The following PREPL variants were observed in gnomAD, a reference collection of about 807,000 sequenced individuals.
PREPL encodes the protein prolyl endopeptidase-like.
In PREPL, 77 loss-of-function variants were observed where a neutral mutation model predicts 70.6. The ratio of observed to expected loss-of-function variants is 1.09; its 90% CI spans 0.91 to 1.32. The LOEUF (loss-of-function observed/expected upper bound fraction) is 1.32, where lower values mean the gene tolerates loss of function less well. PREPL is among the 40% of genes most tolerant of loss of function. The probability of loss-of-function intolerance (pLI) is 0.00; values close to 1 mark genes in which losing one functional copy is unlikely to be tolerated. For missense variants in PREPL, 1,002 were observed against 778.2 expected (o/e 1.29, Z -3.42); for synonymous variants, 315 against 264.8 (o/e 1.19, Z -1.84).
Position 44,343,951 on chromosome 2 carries a change from G to A in PREPL, c.143C>T (p.Ala48Val). ...CCLVRSKDEE[A>V]DNDNYEVLFN... is the part of the protein sequence containing the mutation. ...TAAAACTTCATAATTATCATTGTCT[G>A]CTGTATAAAGAAAAATACGAAAGTG... The change falls in exon 4 of 14, where the codon GCA (alanine) becomes GTA (valine). Residue 48 changes from alanine (A) to valine (V), a missense_variant and splice_region_variant. Physicochemically the swap from Ala to Val is moderately conservative, Grantham distance 64. Coordinates refer to ENST00000409411, the MANE Select transcript of PREPL (RefSeq NM_001171613.2). 6.2e-7 allele frequency: 1 copy of A among 1,612,428 alleles called. No individual in the cohort carries two copies. The highest frequency in any genetic ancestry group is 8.5e-7 in the Non-Finnish European group (1 of 1,179,520).
At chr2:44,336,539 G>A (rs892089931) in intron 7 of PREPL, among the ~76,000 whole-genome samples, 2 of 152,104 alleles carry the variant, frequency 1.3e-5, no homozygotes, top group Non-Finnish European at 2.9e-5. Context: ...CTACCTGAGG[G>A]TTGAAGGAGG....
upstream of PREPL, chr2:44,361,696 C>T (rs1418575592): frequency 5.9e-6 from 2 of 341,472 alleles, no homozygotes; most frequent in Admixed American, 9.7e-5. Context: ...CTTCTGAGCT[C>T]GAGATGAAGC....
At chr2:44,333,606 C>T (rs546977407) in intron 7 of PREPL, among the ~76,000 whole-genome samples, 1 of 143,372 alleles carries the variant, frequency 7.0e-6, no homozygotes, top group African/African-American at 2.6e-5. Flanking sequence ...TTTACGTTCT[C>T]TGAGCAAATC....
intron 1 of PREPL, among the ~76,000 whole-genome samples, chr2:44,357,076 G>A (rs2104228762): frequency 6.6e-6 from 1 of 152,332 alleles, no homozygotes; most frequent in African/African-American, 2.4e-5. Flanking sequence ...AATGTTCTGG[G>A]ATTACTGGCG....
chr2:44,331,763 C>T (rs1674118401), intron 8 of PREPL, among the ~76,000 whole-genome samples: 1 of 152,112 alleles, frequency 6.6e-6, no homozygotes, highest in Non-Finnish European at 1.5e-5. Flanking sequence ...GTCATCTTTC[C>T]TGCTAGATGT....
At chr2:44,343,403 T>C (rs1012665512) in intron 4 of PREPL, among the ~76,000 whole-genome samples, 1 of 152,164 alleles carries the variant, frequency 6.6e-6, no homozygotes, top group Non-Finnish European at 1.5e-5. Context: ...AAAAATACAT[T>C]CAAGCTTAAA....
At chr2:44,339,872 A>AT (rs911752237) in intron 5 of PREPL, among the ~76,000 whole-genome samples, 27 of 151,686 alleles carry the variant, frequency 1.8e-4, no homozygotes, top group Non-Finnish European at 3.2e-4. Flanking sequence ...TGCATTTTGG[A>AT]TTTTTTTTTC....
At chr2:44,326,613 G>T in intron 10 of PREPL, 99 bp downstream of exon 10, 1 of 1,239,036 alleles carries the variant, frequency 8.1e-7, no homozygotes, top group Non-Finnish European at 1.2e-6. Flanking sequence ...GGGATTACAG[G>T]CATGAGCCGC....
At chr2:44,341,743 TAA>T (rs35671442) in intron 5 of PREPL, among the ~76,000 whole-genome samples, 1 of 148,356 alleles carries the variant, frequency 6.7e-6, no homozygotes, top group Non-Finnish European at 1.5e-5. Context: ...AAAAGAAAAG[TAA>T]AAAAAAAACC....
chr2:44,329,583 G>A (rs542264471), intron 8 of PREPL, among the ~76,000 whole-genome samples: 102 of 152,008 alleles, frequency 6.7e-4, no homozygotes, highest in Non-Finnish European at 7.2e-4. Context: ...CTCTGTAGTC[G>A]GAATTCTCAA....
chr2:44,357,577 G>C (rs955382802), intron 1 of PREPL, among the ~76,000 whole-genome samples: 1 of 152,230 alleles, frequency 6.6e-6, no homozygotes, highest in African/African-American at 2.4e-5. Context: ...TCAGGTTAAA[G>C]TTTCCAGGTA....
chr2:44,331,598 A>G (rs952860076), intron 8 of PREPL, among the ~76,000 whole-genome samples: 3 of 152,090 alleles, frequency 2.0e-5, no homozygotes, highest in Admixed American at 6.5e-5. Flanking sequence ...TTTACTCTTA[A>G]TCATCCTAGT....
At chr2:44,328,279 A>AAG in intron 9 of PREPL, among the ~76,000 whole-genome samples, 1 of 149,552 alleles carries the variant, frequency 6.7e-6, no homozygotes, top group Admixed American at 6.6e-5. Context: ...AAAAAAAAAA[A>AAG]AAAAAAAATT....
chr2:44,326,876 T>G lies in PREPL; in HGVS notation c.1315A>C (p.Lys439Gln), dbSNP rs1673554813. Residue 439 changes from lysine (K) to glutamine (Q), a missense_variant, in exon 10 of 14, where the codon AAA (lysine) becomes CAA (glutamine). Coordinates refer to ENST00000409411, the MANE Select transcript of PREPL (RefSeq NM_001171613.2). ...QWHADGRLTK[K>Q]LNGLADLEAC... ...TCTAAATCAGCAAGGCCATTGAGTT[T>G]TTTAGTTAGGCGGCCATCAGCGTGC... 8 of 1,614,178 alleles carry G rather than the reference T, an allele frequency of 5.0e-6. No individual in the cohort carries two copies. Among genetic ancestry groups the G allele is most frequent in the Non-Finnish European group, 6.8e-6 (8 of 1,180,028 alleles).
At position 44,317,964 on chromosome 2, in the gene PREPL, A is replaced by G; in HGVS notation, c.*3392T>C. 1 of 269,964 alleles carries G rather than the reference A, an allele frequency of 3.7e-6. No individual in the cohort carries two copies. Among genetic ancestry groups the G allele is most frequent in the South Asian group, 3.0e-5 (1 of 33,194 alleles). 16.7% of individuals were successfully genotyped at this position (269,964 alleles called of 1,614,324 possible). A position where few individuals can be genotyped will look rare whatever the true frequency, so the allele number is the denominator to read the frequency against. ...AAAATGAAGATATAGCAAGCAAATA[A>G]TAGAAAGCTTGCAACCCAGCTATAG... On this transcript the variant is annotated 3_prime_UTR_variant, in exon 14 of 14. Transcript: ENST00000409411.
rs1672783243 is a variant in PREPL, at chr2:44,319,969, A to C, written c.*1387T>G. 1 of 525,898 alleles carries C rather than the reference A, an allele frequency of 1.9e-6. No homozygotes were observed. The highest frequency in any genetic ancestry group is 3.4e-6 in the Non-Finnish European group (1 of 294,010). The allele number at this position is 525,898 out of a possible 1,614,324, so 32.6% of individuals were successfully genotyped here. On this transcript the variant is annotated 3_prime_UTR_variant, in exon 14 of 14. Transcript: ENST00000409411. ...CAGAAACTCTACAATGTAGCAGAGC[A>C]CTGTGCGTACTTATTGACTCCCAGA...
intron 8 of PREPL, among the ~76,000 whole-genome samples, chr2:44,331,049 C>T (rs944162847): frequency 2.0e-5 from 3 of 152,058 alleles, no homozygotes; most frequent in African/African-American, 7.2e-5. Flanking sequence ...CTCAAGCAAT[C>T]CTCCCACATC....
chr2:44,338,455 C>CT lies in PREPL; in HGVS notation c.783dup (p.Asp262ArgfsTer6). 1 of 1,612,968 alleles carries CT rather than the reference C, an allele frequency of 6.2e-7. No homozygotes were observed. Among genetic ancestry groups the CT allele is most frequent in the Non-Finnish European group, 8.5e-7 (1 of 1,179,336 alleles). The stretch of plus-strand genomic sequence containing the variant: ...CAGTGATCCTTAAACATGTCCAAGT[C>CT]TATCACTTTTGTATTTCTCTTCATT... On this transcript the variant is annotated frameshift_variant, in exon 7 of 14. Transcript: ENST00000409411. LOFTEE classifies it high-confidence loss of function.
In PREPL at chr2:44,318,135, T is replaced by A. The variant is rs1197621295; in HGVS notation, c.*3221A>T. On this transcript the variant is annotated 3_prime_UTR_variant, in exon 14 of 14. Transcript: ENST00000409411. The stretch of plus-strand genomic sequence containing the variant: ...TGAGACAGTCTTGCTCCGTCACCCA[T>A]GCTCGAGTGCAGTGGCGTGATCTCG... 2.2e-6 allele frequency: 1 copy of A among 445,180 alleles called. No homozygotes were observed. The highest frequency in any genetic ancestry group is 2.4e-5 in the Admixed American group (1 of 41,070). The allele number at this position is 445,180 out of a possible 1,614,324, so 27.6% of individuals were successfully genotyped here.
Sources: gnomAD v4.1 joint callset for allele counts (sites outside exome capture counted in the v4.1 genomes callset) on GRCh38, gnomAD v4.1.1 for gene constraint, MANE v1.5 for transcripts, NCBI Gene and HGNC (gene_info 2026-07-23, HGNC 2026-07-21) for gene names.